The following DNAH10 variants were observed in gnomAD, a reference collection of about 807,000 sequenced individuals.
The protein encoded by DNAH10 is dynein axonemal heavy chain 10, also known as axonemal beta dynein heavy chain 10.
In DNAH10, 348 loss-of-function variants were observed where a neutral mutation model predicts 506.6. The observed-to-expected ratio is 0.69, with a 90% CI of 0.63 to 0.75. DNAH10 has a LOEUF of 0.75. DNAH10 is among the 30% of genes least tolerant of loss of function. The pLI, the probability that DNAH10 is intolerant of heterozygous loss-of-function variation, is 0.00. For missense variants in DNAH10, 5,179 were observed against 5,787.1 expected (o/e 0.89, Z 3.41); for synonymous variants, 2,059 against 2,198.6 (o/e 0.94, Z 1.78).
intron 27 of DNAH10, among the ~76,000 whole-genome samples, chr12:123,834,619 A>G (rs1451308581): frequency 6.6e-6 from 1 of 152,174 alleles, no homozygotes; most frequent in African/African-American, 2.4e-5. Flanking sequence ...CACCACCTCT[A>G]ATTCCAGATT....
chr12:123,905,628 C>CTTT (rs79348271), intron 57 of DNAH10, among the ~76,000 whole-genome samples: 1 of 143,716 alleles, frequency 7.0e-6, no homozygotes, highest in African/African-American at 2.5e-5. Flanking sequence ...TGAAGCTGGC[C>CTTT]TTTTTTTTTT....
At chr12:123,808,389 G>T (rs1258107870) in intron 18 of DNAH10, among the ~76,000 whole-genome samples, 2 of 152,104 alleles carry the variant, frequency 1.3e-5, no homozygotes, top group African/African-American at 4.8e-5. Context: ...GGTTGGGCCG[G>T]CAGGGGGAAG....
chr12:123,856,314 G>A (rs1951387648), intron 36 of DNAH10, among the ~76,000 whole-genome samples: 1 of 147,870 alleles, frequency 6.8e-6, no homozygotes, highest in Non-Finnish European at 1.5e-5. Context: ...GTATATATAT[G>A]TGTGTGTGTG....
At chr12:123,861,292 C>T in intron 39 of DNAH10, 122 bp downstream of exon 39, 1 of 1,277,766 alleles carries the variant, frequency 7.8e-7, no homozygotes. Flanking sequence ...ACTTAGAGTC[C>T]AGTCTTGGAG....
intron 60 of DNAH10, among the ~76,000 whole-genome samples, chr12:123,914,066 G>T (rs140202720): frequency 6.6e-6 from 1 of 152,174 alleles, no homozygotes; most frequent in South Asian, 2.1e-4. Flanking sequence ...TATGATCCAC[G>T]CAATGTGATT....
chr12:123,763,171 A>T (rs537756725), intron 1 of DNAH10, among the ~76,000 whole-genome samples: 1 of 152,356 alleles, frequency 6.6e-6, no homozygotes, highest in South Asian at 2.1e-4. Context: ...ACAAATTAGC[A>T]TCGCAAATAC....
At chr12:123,765,374 A>G (rs578224815) in intron 1 of DNAH10, among the ~76,000 whole-genome samples, 35 of 152,306 alleles carry the variant, frequency 2.3e-4, no homozygotes, top group African/African-American at 8.4e-4. Context: ...AGAATTACAT[A>G]TAAAAAGAAA....
intron 32 of DNAH10, among the ~76,000 whole-genome samples, chr12:123,847,308 T>TTATCTATG (rs1950998530): frequency 1.3e-5 from 2 of 148,924 alleles, no homozygotes; most frequent in Non-Finnish European, 3.0e-5. Context: ...ATCATCTATT[T>TTATCTATG]TATCTATCTA....
At chr12:123,923,959 A>C (rs1005476493) in intron 66 of DNAH10, 92 bp downstream of exon 66, 3 of 1,013,356 alleles carry the variant, frequency 3.0e-6, no homozygotes, top group Non-Finnish European at 4.3e-6. Context: ...AATAACAAAA[A>C]TTCTCCTTAA....
intron 52 of DNAH10, among the ~76,000 whole-genome samples, chr12:123,887,994 T>A (rs1952814783): frequency 6.6e-6 from 1 of 152,178 alleles, no homozygotes; most frequent in Admixed American, 6.5e-5. Flanking sequence ...TCCACCCGCA[T>A]CGGCCTCCCA....
In DNAH10 at chr12:123,845,873, A is replaced by G. The variant is rs758773335; in HGVS notation, c.5630+4A>G. 2 of 1,613,442 alleles carry G rather than the reference A, an allele frequency of 1.2e-6. No homozygotes were observed. Among genetic ancestry groups the G allele is most frequent in the Non-Finnish European group, 1.7e-6 (2 of 1,179,376 alleles). On this transcript the variant is annotated splice_donor_region_variant and intron_variant, in intron 31 of 78. Coordinates refer to ENST00000673944, the MANE Select transcript of DNAH10 (RefSeq NM_001372106.1). The stretch of plus-strand genomic sequence containing the variant: ...TTGATTCTTTCATAAGAGGCAGGTG[A>G]GCATTTTCCGGGGTCACTGGCATTT...
intron 18 of DNAH10, among the ~76,000 whole-genome samples, chr12:123,808,000 C>T (rs973993144): frequency 1.5e-3 from 16 of 10,866 alleles, no homozygotes; most frequent in South Asian, 0.014. Context: ...GAGAGAGAGA[C>T]GGGAGGAGGG....
Position 123,864,620 on chromosome 12 carries a change from G to A in DNAH10, c.6934G>A (p.Asp2312Asn). The A allele has an allele frequency of 1.9e-6, 3 of 1,613,902 alleles. No homozygotes were observed. The highest frequency in any genetic ancestry group is 2.5e-6 in the Non-Finnish European group (3 of 1,179,872). Residue 2312 changes from aspartate to asparagine, a missense_variant, in exon 40 of 79, where the codon GAT (aspartate) becomes AAT (asparagine). Around this residue, in one of 3 missense-constraint regions of DNAH10, gnomAD observed 4,844 missense variants for 5,430.5 expected, o/e 0.89. Transcript: ENST00000673944. ...RKYILFDGDV[D>N]ALWVENMNSV... The stretch of plus-strand genomic sequence containing the variant: ...GTATATTTTATTTGATGGTGATGTG[G>A]ATGCTCTATGGGTGGAAAACATGAA...
At chr12:123,858,535 A>C (rs1240379684) in intron 37 of DNAH10, among the ~76,000 whole-genome samples, 2 of 152,240 alleles carry the variant, frequency 1.3e-5, no homozygotes, top group Non-Finnish European at 2.9e-5. Flanking sequence ...CAGTTCCTCA[A>C]CAGGTTAAAC....
intron 19 of DNAH10, among the ~76,000 whole-genome samples, chr12:123,809,601 G>A (rs1055698055): frequency 6.6e-6 from 1 of 151,886 alleles, no homozygotes; most frequent in Non-Finnish European, 1.5e-5. Flanking sequence ...GTGAGGTATG[G>A]TTGCACCACT....
Position 123,925,344 on chromosome 12 carries a change from C to A in DNAH10, c.11921+140C>A. Reference sequence around the variant, plus strand: ...ACCCTGCTGTACAATATTCGATAGCCGATATTCTAGAATTCTTCAATATTC... The same window carrying A: ...ACCCTGCTGTACAATATTCGATAGCAGATATTCTAGAATTCTTCAATATTC... On this transcript the variant is annotated intron_variant, in intron 68 of 78. Coordinates refer to ENST00000673944, the MANE Select transcript of DNAH10 (RefSeq NM_001372106.1). This position sits in a 1 kb window ranked among gnomAD's most constrained non-coding sequence, Gnocchi z 4.0. 9.0e-7 allele frequency: 1 copy of A among 1,106,356 alleles called. No individual in the cohort carries two copies. The highest frequency in any genetic ancestry group is 1.3e-6 in the Non-Finnish European group (1 of 782,630). 68.5% of individuals were successfully genotyped at this position (1,106,356 alleles called of 1,614,324 possible).
intron 51 of DNAH10, among the ~76,000 whole-genome samples, chr12:123,886,473 G>GCA (rs1248846272): frequency 6.8e-5 from 9 of 132,266 alleles, no homozygotes; most frequent in African/African-American, 1.1e-4. Context: ...TGCGTTGCGC[G>GCA]CGCGCGCGTG....
At chr12:123,819,954 C>G (rs1300958250) in intron 23 of DNAH10, among the ~76,000 whole-genome samples, 2 of 152,126 alleles carry the variant, frequency 1.3e-5, no homozygotes, top group Non-Finnish European at 2.9e-5. Context: ...ATCCTCCCGC[C>G]TCAGCCTCCC....
rs747761268 is a variant in DNAH10 at position 123,902,949 on chromosome 12, G to A, written c.9651G>A (p.Lys3217=). The A allele has an allele frequency of 1.3e-6, 2 of 1,586,416 alleles. No homozygotes were observed. Among genetic ancestry groups the A allele is most frequent in the East Asian group, 4.6e-5 (2 of 43,256 alleles). Reference sequence around the variant, plus strand: ...TGTCCTACCCTGCAGCCGAGGAGAAGAAGAAACTGGCAGAGGAAAAGGCCA... The same window carrying A: ...TGTCCTACCCTGCAGCCGAGGAGAAAAAGAAACTGGCAGAGGAAAAGGCCA... ...IAVNTAVAEE[K]KKLAEEKAME... is the part of the protein sequence containing the mutation. The change falls in exon 57 of 79, where the codon AAG becomes AAA. Residue 3217 remains lysine, a synonymous_variant. Coordinates refer to ENST00000673944, the MANE Select transcript of DNAH10 (RefSeq NM_001372106.1). The surrounding 1 kb of genome is among the most constrained non-coding windows in gnomAD (Gnocchi z 4.5).
Sources: allele counts gnomAD v4.1 joint callset (sites outside exome capture counted in the v4.1 genomes callset), GRCh38; gene constraint gnomAD v4.1.1; regional missense constraint gnomAD v4.1.1; non-coding constraint Gnocchi (gnomAD v3.1); transcripts MANE v1.5; gene names NCBI Gene and HGNC (gene_info 2026-07-23, HGNC 2026-07-21).